Variants in TTC28 observed in about 807,000 individuals in gnomAD.
TTC28 encodes tetratricopeptide repeat protein 28.
TTC28 carries 61 observed loss-of-function variants against 198.0 expected under a neutral mutation model. The observed-to-expected ratio is 0.31, with a 90% CI of 0.25 to 0.38. TTC28 has a LOEUF of 0.38. Ranked by LOEUF, TTC28 falls within the 10% of genes least tolerant of loss-of-function variation. The probability of loss-of-function intolerance (pLI) is 1.00; values close to 1 mark genes in which losing one functional copy is unlikely to be tolerated. For missense variants in TTC28, 2,678 were observed against 3,164.0 expected, an observed-to-expected ratio of 0.85 and a Z score of 3.69; for synonymous variants, 1,171 against 1,297.8, an observed-to-expected ratio of 0.90 and a Z score of 2.10.
chr22:28,425,295 G>A (rs1282597948), intron 2 of TTC28, among the ~76,000 whole-genome samples: 1 of 152,098 alleles, frequency 6.6e-6, no homozygotes, highest in Non-Finnish European at 1.5e-5. Flanking sequence ...GTCAAATGAT[G>A]GACCAATATC....
chr22:28,562,401 C>T (rs573548124), intron 2 of TTC28, among the ~76,000 whole-genome samples: 1 of 152,272 alleles, frequency 6.6e-6, no homozygotes, highest in South Asian at 2.1e-4. Context: ...TTTAGAGACA[C>T]TGTCATGAAG....
At chr22:28,497,669 C>T (rs1306806223) in intron 2 of TTC28, among the ~76,000 whole-genome samples, 1 of 151,946 alleles carries the variant, frequency 6.6e-6, no homozygotes, top group Non-Finnish European at 1.5e-5. Flanking sequence ...GCTAGGGGAT[C>T]GGAAATACAT....
intron 17 of TTC28, among the ~76,000 whole-genome samples, chr22:27,995,255 G>A (rs1193241972): frequency 6.6e-6 from 1 of 152,176 alleles, no homozygotes; most frequent in African/African-American, 2.4e-5. Context: ...AGGCTGTGCA[G>A]CAACCAGCCT....
intron 2 of TTC28, among the ~76,000 whole-genome samples, chr22:28,434,789 T>C (rs2047492736): frequency 6.6e-6 from 1 of 152,068 alleles, no homozygotes; most frequent in Non-Finnish European, 1.5e-5. Context: ...TTTGGAAGAG[T>C]GTGTGTCCAA....
chr22:28,336,890 T>C (rs1287112619), intron 2 of TTC28, among the ~76,000 whole-genome samples: 1 of 152,220 alleles, frequency 6.6e-6, no homozygotes, highest in Admixed American at 6.5e-5. Context: ...AGCTTTTGAA[T>C]GTGTTTGCTC....
chr22:28,302,738 G>A (rs1252060130), intron 3 of TTC28, among the ~76,000 whole-genome samples: 1 of 152,046 alleles, frequency 6.6e-6, no homozygotes, highest in East Asian at 1.9e-4. Context: ...GCAGGGACAC[G>A]ATCTCAGCTC....
chr22:28,530,803 C>T (rs1601522564), intron 2 of TTC28, among the ~76,000 whole-genome samples: 1 of 152,244 alleles, frequency 6.6e-6, no homozygotes, highest in East Asian at 1.9e-4. Flanking sequence ...CATACCCAGC[C>T]AAACTAAGCT....
intron 8 of TTC28, among the ~76,000 whole-genome samples, chr22:28,102,307 T>G (rs1384264047): frequency 6.6e-6 from 1 of 152,214 alleles, no homozygotes; most frequent in African/African-American, 2.4e-5. Context: ...AAGATTTTGA[T>G]GTGCCTCAGC....
intron 5 of TTC28, among the ~76,000 whole-genome samples, chr22:28,255,039 C>T (rs866167507): frequency 7.9e-5 from 12 of 152,070 alleles, no homozygotes; most frequent in African/African-American, 2.9e-4. Context: ...GATCTCAAAC[C>T]ACAAAATAAA....
At chr22:28,396,737 G>A (rs759872617) in intron 2 of TTC28, among the ~76,000 whole-genome samples, 1 of 152,186 alleles carries the variant, frequency 6.6e-6, no homozygotes, top group Admixed American at 6.5e-5. Flanking sequence ...CTGTGGAAGA[G>A]TCTCCAATAG....
At chr22:28,396,929 C>A (rs1213289038) in intron 2 of TTC28, among the ~76,000 whole-genome samples, 1 of 152,150 alleles carries the variant, frequency 6.6e-6, no homozygotes, top group African/African-American at 2.4e-5. Flanking sequence ...TCCAAAACTA[C>A]CAGGCACCAA....
chr22:28,464,469 G>C (rs1040188104), intron 2 of TTC28, among the ~76,000 whole-genome samples: 3 of 152,100 alleles, frequency 2.0e-5, no homozygotes, highest in Non-Finnish European at 4.4e-5. Flanking sequence ...TGTATCAGTA[G>C]CTTCATTTTC....
chr22:28,413,414 T>C (rs1378365166), intron 2 of TTC28, among the ~76,000 whole-genome samples: 2 of 152,084 alleles, frequency 1.3e-5, no homozygotes, highest in Non-Finnish European at 2.9e-5. Flanking sequence ...CGAGACTCTG[T>C]CTTAAAATTA....
intron 5 of TTC28, among the ~76,000 whole-genome samples, chr22:28,292,491 G>A (rs764828675): frequency 7.9e-5 from 12 of 152,192 alleles, no homozygotes; most frequent in Non-Finnish European, 1.8e-4. Context: ...CTCCCAAAGT[G>A]CTGGGATTAT....
chr22:28,640,425 GA>G (rs1157466819), intron 1 of TTC28, among the ~76,000 whole-genome samples: 1 of 151,208 alleles, frequency 6.6e-6, no homozygotes, highest in Non-Finnish European at 1.5e-5. Context: ...AACAATATTT[GA>G]ATACCAATGA....
At chr22:28,277,034 A>G (rs997485968) in intron 5 of TTC28, among the ~76,000 whole-genome samples, 2 of 152,196 alleles carry the variant, frequency 1.3e-5, no homozygotes, top group Non-Finnish European at 2.9e-5. Flanking sequence ...AACTAAAATC[A>G]GTAAAATTAA....
intron 3 of TTC28, 109 bp downstream of exon 3, chr22:28,306,387 A>G: frequency 1.6e-6 from 2 of 1,287,944 alleles, no homozygotes; most frequent in South Asian, 2.9e-5. Flanking sequence ...ATCAAATCTT[A>G]GCAAATTTGA....
intron 5 of TTC28, among the ~76,000 whole-genome samples, chr22:28,287,261 G>T (rs2044703674): frequency 6.6e-6 from 1 of 152,158 alleles, no homozygotes; most frequent in African/African-American, 2.4e-5. Context: ...TGAATATAGA[G>T]TGCTGGGTCA....
chr22:28,252,039 TG>T (rs1930551116), intron 5 of TTC28, among the ~76,000 whole-genome samples: 1 of 152,202 alleles, frequency 6.6e-6, no homozygotes, highest in Admixed American at 6.5e-5. Context: ...CAAAATTATT[TG>T]GTATCATAAC....
Sources: gnomAD v4.1 joint callset for allele counts (sites outside exome capture counted in the v4.1 genomes callset) on GRCh38, gnomAD v4.1.1 for gene constraint, MANE v1.5 for transcripts, NCBI Gene and HGNC (gene_info 2026-07-23, HGNC 2026-07-21) for gene names.